The following RNF10 variants were observed in gnomAD, a reference collection of about 807,000 sequenced individuals.
The protein encoded by RNF10 is ring finger protein 10.
RNF10 carries 38 observed loss-of-function variants against 91.4 expected under a neutral mutation model. The observed-to-expected ratio is 0.42, with a 90% CI of 0.32 to 0.54. The LOEUF is 0.54. Among genes scored for constraint, RNF10 ranks in the 20% least tolerant of loss-of-function variants. RNF10 has a pLI of 0.16. For synonymous variants in RNF10, 364 were observed against 366.3 expected (o/e 0.99, Z 0.07); for missense variants, 945 against 1,012.0 (o/e 0.93, Z 0.90).
chr12:120,566,426 T>C (rs1302440961), intron 12 of RNF10, among the ~76,000 whole-genome samples: 1 of 152,134 alleles, frequency 6.6e-6, no homozygotes, highest in Non-Finnish European at 1.5e-5. Context: ...TCTAGACCTT[T>C]GGGGGTACGC....
In RNF10 at chr12:120,560,673, C is replaced by A. The variant is rs1014527428; in HGVS notation, c.968-53C>A. ...ATTTGAAAATTCCTATTTAGCTACACCATCGTGAGCTTTGAATGTTGCATT... is the reference window on the plus strand; with the variant it reads ...ATTTGAAAATTCCTATTTAGCTACAACATCGTGAGCTTTGAATGTTGCATT... On this transcript the variant is annotated intron_variant, in intron 6 of 16. Coordinates refer to ENST00000325954, the MANE Select transcript of RNF10 (RefSeq NM_014868.5). 5 of 1,552,374 alleles carry A rather than the reference C, an allele frequency of 3.2e-6. No individual in the cohort carries two copies. The African/African-American group carries it at 4.1e-5, about 13-fold the overall frequency.
intron 10 of RNF10, 29 bp downstream of exon 10, chr12:120,563,972 C>G: frequency 6.2e-7 from 1 of 1,613,666 alleles, no homozygotes; most frequent in South Asian, 1.1e-5. Context: ...AATGGAGGGT[C>G]AGGCAGCAGT....
chr12:120,535,027 G>C (rs1870537733), intron 1 of RNF10, 59 bp downstream of exon 1: 1 of 1,495,330 alleles, frequency 6.7e-7, no homozygotes, highest in South Asian at 1.2e-5. Context: ...GGGGAGAGTC[G>C]TTGCTCTCAT....
At chr12:120,540,893 T>G (rs1438685445) in intron 1 of RNF10, among the ~76,000 whole-genome samples, 1 of 150,702 alleles carries the variant, frequency 6.6e-6, no homozygotes, top group African/African-American at 2.4e-5. Flanking sequence ...TTGCTCTTGT[T>G]GCCCAGGCTG....
chr12:120,575,773 T>G lies in RNF10; in HGVS notation c.2201-19T>G, dbSNP rs1315361304. ...AGAAAAAGAGTTGTTTCTATAGTTTTAACACTGGTATTTTTTAGATGAGAA... is the reference window on the plus strand; with the variant it reads ...AGAAAAAGAGTTGTTTCTATAGTTTGAACACTGGTATTTTTTAGATGAGAA... On this transcript the variant is annotated intron_variant, in intron 15 of 16. Coordinates refer to ENST00000325954, the MANE Select transcript of RNF10 (RefSeq NM_014868.5). 1 of 1,614,190 alleles carries G rather than the reference T, an allele frequency of 6.2e-7. No homozygotes were observed. The highest frequency in any genetic ancestry group is 1.1e-5 in the South Asian group (1 of 91,090).
Position 120,560,847 on chromosome 12 carries a change from C to G in RNF10, c.1089C>G (p.Pro363=), listed in dbSNP as rs763277140. The G allele has an allele frequency of 1.9e-5, 30 of 1,613,954 alleles. No homozygotes were observed. The highest frequency in any genetic ancestry group is 2.4e-5 in the Non-Finnish European group (28 of 1,180,028). ...AGCTGGCAGAGGAGAAGCACACTCC[C>G]GAGTCCTGCTTTATTGAGGCAGCTA... ...EQQLAEEKHT[P]ESCFIEAAIQ... is the part of the protein sequence containing the mutation. Residue 363 remains proline (P), a synonymous_variant, in exon 7 of 17, where the codon CCC becomes CCG. Coordinates refer to ENST00000325954, the MANE Select transcript of RNF10 (RefSeq NM_014868.5).
At chr12:120,555,330 C>T (rs1275744476) in intron 4 of RNF10, among the ~76,000 whole-genome samples, 5 of 151,514 alleles carry the variant, frequency 3.3e-5, no homozygotes, top group Non-Finnish European at 2.9e-5. Flanking sequence ...TACAGGCACC[C>T]GCCACCACGC....
intron 2 of RNF10, among the ~76,000 whole-genome samples, chr12:120,548,474 G>T (rs890544460): frequency 6.6e-6 from 1 of 152,108 alleles, no homozygotes; most frequent in African/African-American, 2.4e-5. Context: ...GTTGCTGATA[G>T]GTTAAGAATA....
At chr12:120,564,486 A>G (rs1005417478) in intron 10 of RNF10, among the ~76,000 whole-genome samples, 1 of 152,166 alleles carries the variant, frequency 6.6e-6, no homozygotes, top group Admixed American at 6.5e-5. Context: ...TTAGCTGGGT[A>G]TGATGATGTG....
chr12:120,553,971 C>T (rs1244235394), intron 3 of RNF10: 2 of 146,734 alleles, frequency 1.4e-5, no homozygotes, highest in African/African-American at 5.1e-5. Flanking sequence ...GTGGCGTGAT[C>T]TCGGCTCCCT....
At chr12:120,564,119 G>T (rs1751406059) in intron 10 of RNF10, among the ~76,000 whole-genome samples, 176 bp downstream of exon 10, 1 of 152,180 alleles carries the variant, frequency 6.6e-6, no homozygotes, top group Non-Finnish European at 1.5e-5. Flanking sequence ...CCCTCAGCAT[G>T]CCAGGGTTCT....
intron 1 of RNF10, among the ~76,000 whole-genome samples, chr12:120,540,078 TAAAAAA>T (rs63190362): frequency 2.1e-5 from 3 of 144,190 alleles, no homozygotes; most frequent in Non-Finnish European, 4.5e-5. Context: ...ATGAGGAACT[TAAAAAA>T]AAAAAAAATA....
At position 120,566,911 on chromosome 12, in the gene RNF10, C is replaced by T; in HGVS notation, c.1972C>T (p.Pro658Ser). ...YTCSSDSALG[P>S]TSTEGHGALS... ...CTGCTCCTCTGATTCTGCTTTGGGT[C>T]CCACCAGCACCGAGGGCCATGGGGC... is the stretch of plus-strand genomic sequence containing the variant. The change falls in exon 13 of 17, where the codon CCC becomes TCC. Residue 658 changes from proline to serine, a missense_variant. Coordinates refer to ENST00000325954, the MANE Select transcript of RNF10 (RefSeq NM_014868.5). 1 of 1,613,958 alleles carries T rather than the reference C, an allele frequency of 6.2e-7. No homozygotes were observed. Among genetic ancestry groups the T allele is most frequent in the East Asian group, 2.2e-5 (1 of 44,882 alleles).
At chr12:120,563,120 T>C in intron 8 of RNF10, 50 bp downstream of exon 8, 1 of 1,612,424 alleles carries the variant, frequency 6.2e-7, no homozygotes, top group Non-Finnish European at 8.5e-7. Context: ...AATGCTGTCA[T>C]TGAGCTGGTA....
intron 14 of RNF10, among the ~76,000 whole-genome samples, chr12:120,572,009 A>T (rs1368145784): frequency 6.6e-6 from 1 of 151,958 alleles, no homozygotes; most frequent in Non-Finnish European, 1.5e-5. Context: ...GTGCCCTTGT[A>T]AGAAGTCCGT....
chr12:120,534,783 G>C lies in RNF10; in HGVS notation c.-29G>C, dbSNP rs113139244. ...GTCCCCGCCGCGCCCGCTCCGCTCC[G>C]ACTGCCGTCGCCGCCGAGGCCCCCG... On this transcript the variant is annotated 5_prime_UTR_variant, in exon 1 of 17. Transcript: ENST00000325954. 1.3e-5 allele frequency: 20 copies of C among 1,542,472 alleles called. No homozygotes were observed. Among genetic ancestry groups the C allele is most frequent in the Admixed American group, 4.0e-5 (2 of 50,576 alleles).
chr12:120,575,493 TAAG>T (rs1877264519), intron 14 of RNF10, 135 bp from the exon 15 acceptor site: 1 of 883,532 alleles, frequency 1.1e-6, no homozygotes, highest in East Asian at 2.4e-5. Flanking sequence ...AACAGTGTGT[TAAG>T]GAGAGAAGTA....
chr12:120,573,097 C>G (rs1216191519), intron 14 of RNF10, among the ~76,000 whole-genome samples: 2 of 152,006 alleles, frequency 1.3e-5, no homozygotes, highest in African/African-American at 4.8e-5. Flanking sequence ...TGCAGATATC[C>G]TGAATGATAC....
At chr12:120,550,243 C>T (rs1481786307) in intron 2 of RNF10, among the ~76,000 whole-genome samples, 2 of 152,000 alleles carry the variant, frequency 1.3e-5, no homozygotes, top group South Asian at 2.1e-4. Flanking sequence ...GAACGGAAAC[C>T]TGTAGGTGTG....
Sources: gnomAD v4.1 joint callset for allele counts (sites outside exome capture counted in the v4.1 genomes callset) on GRCh38, gnomAD v4.1.1 for gene constraint, MANE v1.5 for transcripts, NCBI Gene and HGNC (gene_info 2026-07-23, HGNC 2026-07-21) for gene names.